The following STK39 variants were observed in gnomAD, a reference collection of about 807,000 sequenced individuals.
STK39 encodes the protein STE20/SPS1-related proline-alanine-rich protein kinase.
Under a neutral mutation model 77.8 loss-of-function variants are expected in STK39, and 20 were observed. The observed-to-expected ratio is 0.26, with a 90% CI of 0.18 to 0.37. The LOEUF (loss-of-function observed/expected upper bound fraction) is 0.37. Ranked by LOEUF, STK39 falls within the 10% of genes least tolerant of loss-of-function variation. The pLI is 1.00. For missense variants in STK39, 479 were observed against 656.5 expected, an observed-to-expected ratio of 0.73 and a Z score of 2.95; for synonymous variants, 246 against 234.1, an observed-to-expected ratio of 1.05 and a Z score of -0.47.
At chr2:168,131,053 C>T (rs967529453) in intron 8 of STK39, among the ~76,000 whole-genome samples, 1 of 152,162 alleles carries the variant, frequency 6.6e-6, no homozygotes, top group African/African-American at 2.4e-5. Context: ...ATTTTAGGAA[C>T]GTGCTCTTCA....
intron 1 of STK39, among the ~76,000 whole-genome samples, chr2:168,213,161 A>C (rs1175518361): frequency 1.3e-5 from 2 of 152,246 alleles, no homozygotes; most frequent in African/African-American, 4.8e-5. Flanking sequence ...AATGTCTAAC[A>C]AGGTAGATAG....
intron 16 of STK39, among the ~76,000 whole-genome samples, chr2:167,996,820 AGATCACC>A: frequency 6.6e-6 from 1 of 152,240 alleles, no homozygotes. Flanking sequence ...TCAAAGAGGT[AGATCACC>A]GACTAAGGAA....
In STK39 at chr2:168,067,913, G is replaced by C. The variant is rs187344424; in HGVS notation, c.1243-2532C>G. 1.1e-4 allele frequency among the ~76,000 whole-genome samples: 16 copies of C among 152,294 alleles called. No homozygotes were observed. In the East Asian group the frequency reaches 2.7e-3, roughly 26 times the overall value. On this transcript the variant is annotated intron_variant, in intron 12 of 17. Coordinates refer to ENST00000355999, the MANE Select transcript of STK39 (RefSeq NM_013233.3). ...AGACTGGGTAATTTATAAAGAAAAAGGGGGTTAATAGACTCGCAGGTTCAC... is the reference window on the plus strand; with the variant it reads ...AGACTGGGTAATTTATAAAGAAAAACGGGGTTAATAGACTCGCAGGTTCAC...
rs1377642110 is a variant in STK39 at position 168,247,278 on chromosome 2, G to A, written c.158C>T (p.Ala53Val). Residue 53 changes from alanine (A) to valine (V), a missense_variant, in exon 1 of 18, where the codon GCT becomes GTT. Ala to Val is a moderately conservative substitution (Grantham distance 64). Around this residue, in one of 3 missense-constraint regions of STK39, gnomAD observed 96 missense variants for 79.1 expected, o/e 1.21. Coordinates refer to ENST00000355999, the MANE Select transcript of STK39 (RefSeq NM_013233.3). ...PAPAPAPAAQAVGWPICRDAY... is the reference protein window; with the variant it reads ...PAPAPAPAAQVVGWPICRDAY... ...GTCCCTGCAGATGGGCCAGCCGACA[G>A]CCTGTGCCGCCGGGGCCGGGGCCGG... is the stretch of plus-strand genomic sequence containing the variant. 9.3e-7 allele frequency: 1 copy of A among 1,077,840 alleles called. No individual in the cohort carries two copies. The highest frequency in any genetic ancestry group is 1.1e-6 in the Non-Finnish European group (1 of 890,918). The allele number at this position is 1,077,840 out of a possible 1,614,324, so 66.8% of individuals were successfully genotyped here. A position where few individuals can be genotyped will look rare whatever the true frequency, so the allele number is the denominator to read the frequency against.
At position 168,021,863 on chromosome 2, in the gene STK39, GA is replaced by G. The variant is rs1025288927; in HGVS notation, c.1377-4769del. Among the ~76,000 whole-genome samples the G allele has an allele frequency of 2.8e-4, 42 of 151,662 alleles. 1 individual carries two copies. The highest frequency in any genetic ancestry group is 9.9e-4 in the African/African-American group (41 of 41,366). Reference sequence around the variant, plus strand: ...TACAATAGGGCATTAAATATTCTGTGAAAATTGGCCCTCTCACTCCTGTCAC... The same window carrying G: ...TACAATAGGGCATTAAATATTCTGTGAAATTGGCCCTCTCACTCCTGTCAC... On this transcript the variant is annotated intron_variant, in intron 14 of 17. Transcript: ENST00000355999.
chr2:168,126,577 C>A (rs577691852), intron 10 of STK39, among the ~76,000 whole-genome samples: 3 of 152,146 alleles, frequency 2.0e-5, no homozygotes, highest in Non-Finnish European at 4.4e-5. Flanking sequence ...AGACTACCCA[C>A]TATTAACAGG....
intron 8 of STK39, among the ~76,000 whole-genome samples, chr2:168,137,121 A>G (rs1237756854): frequency 6.6e-6 from 1 of 152,250 alleles, no homozygotes; most frequent in Non-Finnish European, 1.5e-5. Context: ...GTTACTGTGT[A>G]AAGGCTTAAC....
chr2:168,112,923 A>G (rs1211997299), intron 10 of STK39: 1 of 152,168 alleles, frequency 6.6e-6, no homozygotes, highest in Admixed American at 6.6e-5. Flanking sequence ...CTCACCGTCC[A>G]CCAGTGTGCT....
At chr2:168,058,394 T>A (rs553037694) in intron 14 of STK39, among the ~76,000 whole-genome samples, 2 of 152,198 alleles carry the variant, frequency 1.3e-5, no homozygotes, top group Non-Finnish European at 2.9e-5. Flanking sequence ...CTATGCAACA[T>A]CTGTGACAGT....
At chr2:168,041,168 A>G (rs1685094891) in intron 14 of STK39, among the ~76,000 whole-genome samples, 1 of 152,132 alleles carries the variant, frequency 6.6e-6, no homozygotes, top group African/African-American at 2.4e-5. Context: ...AATATGCTAA[A>G]ACTAATATTA....
intron 2 of STK39, among the ~76,000 whole-genome samples, chr2:168,179,710 GC>G (rs1292831049): frequency 3.3e-5 from 5 of 152,272 alleles, no homozygotes; most frequent in East Asian, 3.9e-4. Context: ...TAGATAGACA[GC>G]TCTACCTAAG....
At chr2:167,996,428 C>T (rs1310598161) in intron 16 of STK39, among the ~76,000 whole-genome samples, 1 of 152,196 alleles carries the variant, frequency 6.6e-6, no homozygotes, top group Non-Finnish European at 1.5e-5. Context: ...TCTGTACAAA[C>T]GAGTTTGTTA....
chr2:168,139,123 G>A (rs1475206660), intron 7 of STK39, among the ~76,000 whole-genome samples: 2 of 152,168 alleles, frequency 1.3e-5, no homozygotes, highest in Non-Finnish European at 2.9e-5. Context: ...AGGAGAAAGC[G>A]GGAGACTGGG....
rs544339692 is a variant in STK39 at position 167,970,813 on chromosome 2, G to A, written c.1499-6087C>T. 4.6e-5 allele frequency among the ~76,000 whole-genome samples: 7 copies of A among 152,230 alleles called. No homozygotes were observed. The South Asian group carries it at 1.2e-3, about 27-fold the overall frequency. On this transcript the variant is annotated intron_variant, in intron 16 of 17. Coordinates refer to ENST00000355999, the MANE Select transcript of STK39 (RefSeq NM_013233.3). ...GAGTGTTCAAACTGTGTTCAAATAA[G>A]GCAAATGCTGAGCTGTAGCCAATCC...
chr2:168,220,409 G>A (rs1007956690), intron 1 of STK39, among the ~76,000 whole-genome samples: 1 of 152,146 alleles, frequency 6.6e-6, no homozygotes. Context: ...TCTGGAGAGT[G>A]AGAAACTCAA....
chr2:168,209,415 G>A (rs867130124), intron 1 of STK39, among the ~76,000 whole-genome samples: 7 of 152,148 alleles, frequency 4.6e-5, no homozygotes, highest in Non-Finnish European at 5.9e-5. Flanking sequence ...GGTGGCTCAC[G>A]CCTGTAATCC....
At chr2:168,123,959 A>T (rs1204724697) in intron 10 of STK39, among the ~76,000 whole-genome samples, 1 of 152,012 alleles carries the variant, frequency 6.6e-6, no homozygotes, top group African/African-American at 2.4e-5. Flanking sequence ...AAATATTCCT[A>T]CCCACTGATT....
chr2:168,032,094 C>A (rs1185436958), intron 14 of STK39, among the ~76,000 whole-genome samples: 1 of 152,204 alleles, frequency 6.6e-6, no homozygotes, highest in East Asian at 1.9e-4. Context: ...AGTAGAAAAA[C>A]CCTTGTGCTT....
intron 15 of STK39, among the ~76,000 whole-genome samples, chr2:168,016,035 C>T (rs1225604839): frequency 1.3e-5 from 2 of 152,254 alleles, no homozygotes; most frequent in Non-Finnish European, 2.9e-5. Flanking sequence ...TCAAGTGATT[C>T]TCTTGCCTCA....
Sources: allele counts gnomAD v4.1 joint callset (sites outside exome capture counted in the v4.1 genomes callset), GRCh38; gene constraint gnomAD v4.1.1; regional missense constraint gnomAD v4.1.1; transcripts MANE v1.5; gene names NCBI Gene and HGNC (gene_info 2026-07-23, HGNC 2026-07-21).